The following AGTPBP1 variants were observed in gnomAD, a reference collection of about 807,000 sequenced individuals.
The protein encoded by AGTPBP1 is ATP/GTP binding carboxypeptidase 1, also known as cytosolic carboxypeptidase 1.
AGTPBP1 carries 70 observed loss-of-function variants against 143.9 expected under a neutral mutation model. That is an observed-to-expected ratio of 0.49 (90% CI 0.40 to 0.59). The LOEUF (loss-of-function observed/expected upper bound fraction) is 0.59. AGTPBP1 is among the 20% of genes least tolerant of loss of function. The pLI, the probability that AGTPBP1 is intolerant of heterozygous loss-of-function variation, is 0.00. For missense variants in AGTPBP1, 1,229 were observed against 1,464.5 expected, an observed-to-expected ratio of 0.84 and a Z score of 2.62; for synonymous variants, 463 against 500.2, an observed-to-expected ratio of 0.93 and a Z score of 0.99.
At chr9:85,681,360 T>C (rs771914710) in intron 3 of AGTPBP1, 25 bp from the exon 4 acceptor site, 36 of 1,601,370 alleles carry the variant, frequency 2.2e-5, no homozygotes, top group Non-Finnish European at 3.0e-5. Context: ...ACAATTTTTT[T>C]CTCAAACATA....
the AGTPBP1 span, among the ~76,000 whole-genome samples, chr9:85,778,647 C>A: frequency 6.6e-6 from 1 of 152,198 alleles, no homozygotes; most frequent in East Asian, 1.9e-4. Flanking sequence ...CCTTCAAAAT[C>A]CAGATAGGCC....
At chr9:85,554,925 T>A (rs1294446088) in intron 25 of AGTPBP1, among the ~76,000 whole-genome samples, 1 of 152,074 alleles carries the variant, frequency 6.6e-6, no homozygotes, top group East Asian at 1.9e-4. Context: ...ATAACTGAAA[T>A]TAAGAACTCA....
chr9:85,778,358 A>T, the AGTPBP1 span, among the ~76,000 whole-genome samples: 60 of 152,316 alleles, frequency 3.9e-4, no homozygotes, highest in South Asian at 8.3e-4. Context: ...AGTTATCTGC[A>T]GAAGATGGCG....
At chr9:85,670,960 G>A (rs1834442742) in intron 7 of AGTPBP1, among the ~76,000 whole-genome samples, 1 of 151,996 alleles carries the variant, frequency 6.6e-6, no homozygotes, top group African/African-American at 2.4e-5. Context: ...TGTTGTTTTT[G>A]AGACAGGGTC....
chr9:85,676,909 T>C (rs562713071), intron 6 of AGTPBP1, among the ~76,000 whole-genome samples: 1 of 152,118 alleles, frequency 6.6e-6, no homozygotes, highest in African/African-American at 2.4e-5. Flanking sequence ...CTGGAGGACA[T>C]TATGTTAAGT....
chr9:85,768,339 A>G, the AGTPBP1 span, among the ~76,000 whole-genome samples: 16 of 152,338 alleles, frequency 1.1e-4, 1 homozygote, highest in South Asian at 1.7e-3. Flanking sequence ...AGTCAAGTAC[A>G]GTAAAGTCCT....
chr9:85,657,687 AGAGT>A, intron 9 of AGTPBP1, 44 bp from the exon 10 acceptor site: 2 of 1,430,600 alleles, frequency 1.4e-6, no homozygotes, highest in Non-Finnish European at 1.9e-6. Flanking sequence ...TTAAATGACG[AGAGT>A]GAGTGGTAGA....
At chr9:85,794,801 A>C in the AGTPBP1 span, among the ~76,000 whole-genome samples, 3,663 of 152,182 alleles carry the variant, frequency 0.024, 76 homozygotes, top group Middle Eastern at 0.065. Context: ...CCATTCTTTT[A>C]ACCATGTTTT....
chr9:85,751,793 G>A, the AGTPBP1 span, among the ~76,000 whole-genome samples: 1,269 of 151,974 alleles, frequency 8.4e-3, 7 homozygotes, highest in Middle Eastern at 0.024. Flanking sequence ...TTTTAGTAGA[G>A]ACGGGGTTTC....
chr9:85,612,893 T>C (rs1250467348), intron 17 of AGTPBP1, among the ~76,000 whole-genome samples: 1 of 151,722 alleles, frequency 6.6e-6, no homozygotes, highest in Admixed American at 6.6e-5. Context: ...TTTTTTTTTT[T>C]TCTCCTCACT....
Position 85,741,906 on chromosome 9 carries a change from G to A in AGTPBP1, c.-165C>T, listed in dbSNP as rs1824331078. ...AAACCCCGGTGGCAGGCGAGGCGGAGGCGGCGGCGGCGGCAGCTGCGGCGG... is the reference window on the plus strand; with the variant it reads ...AAACCCCGGTGGCAGGCGAGGCGGAAGCGGCGGCGGCGGCAGCTGCGGCGG... On this transcript the variant is annotated 5_prime_UTR_variant, in exon 1 of 26. Transcript: ENST00000357081. The A allele has an allele frequency of 1.7e-6, 2 of 1,200,806 alleles. No individual in the cohort carries two copies. Among genetic ancestry groups the A allele is most frequent in the South Asian group, 2.2e-5 (1 of 45,504 alleles). 74.4% of individuals were successfully genotyped at this position (1,200,806 alleles called of 1,614,324 possible).
At chr9:85,714,913 G>T (rs1271625232) in intron 1 of AGTPBP1, among the ~76,000 whole-genome samples, 1 of 152,068 alleles carries the variant, frequency 6.6e-6, no homozygotes, top group Non-Finnish European at 1.5e-5. Flanking sequence ...GTGGTGTAAT[G>T]CCTAAAAAAC....
rs1837449809 is a variant in AGTPBP1, at chr9:85,712,586, G to A, written c.-33-20C>T. 9 of 1,271,394 alleles carry A rather than the reference G, an allele frequency of 7.1e-6. No homozygotes were observed. The highest frequency in any genetic ancestry group is 2.4e-4 in the Middle Eastern group (1 of 4,148). 78.8% of individuals were successfully genotyped at this position (1,271,394 alleles called of 1,614,324 possible). On this transcript the variant is annotated intron_variant, in intron 1 of 25. Transcript: ENST00000357081. ...GATAATCTAAAAGAAAAATGTTAAT[G>A]ATATTAAAAACTTATAACTCTTTTT...
the AGTPBP1 span, among the ~76,000 whole-genome samples, chr9:85,805,165 C>G: frequency 6.6e-6 from 1 of 152,190 alleles, no homozygotes; most frequent in Non-Finnish European, 1.5e-5. Context: ...GGTCCTCTCC[C>G]CCAACTCGGG....
At chr9:85,560,224 A>G (rs943433787) in intron 25 of AGTPBP1, among the ~76,000 whole-genome samples, 2 of 152,236 alleles carry the variant, frequency 1.3e-5, no homozygotes, top group Non-Finnish European at 2.9e-5. Flanking sequence ...ATCAAGGGAA[A>G]AAAAATGCTG....
At chr9:85,742,662 T>C (rs1310393225), upstream of AGTPBP1, among the ~76,000 whole-genome samples, 1 of 152,178 alleles carries the variant, frequency 6.6e-6, no homozygotes, top group Non-Finnish European at 1.5e-5. Context: ...AAAACGGTAA[T>C]GCTAAGTTGG....
intron 1 of AGTPBP1, among the ~76,000 whole-genome samples, chr9:85,731,047 G>A (rs1587997115): frequency 6.6e-6 from 1 of 152,086 alleles, no homozygotes; most frequent in African/African-American, 2.4e-5. Context: ...GAAGGATTTG[G>A]GCCATGGAGT....
chr9:85,589,448 A>G, intron 20 of AGTPBP1, 80 bp downstream of exon 20: 1 of 1,491,862 alleles, frequency 6.7e-7, no homozygotes, highest in Non-Finnish European at 9.0e-7. Flanking sequence ...TCCTATTATC[A>G]TTTCCATTAT....
chr9:85,751,037 G>A, the AGTPBP1 span, among the ~76,000 whole-genome samples: 7 of 152,154 alleles, frequency 4.6e-5, no homozygotes, highest in Admixed American at 4.6e-4. Context: ...AGCAAGGCTG[G>A]GCAATTGTAT....
Sources: allele counts gnomAD v4.1 joint callset (sites outside exome capture counted in the v4.1 genomes callset), GRCh38; gene constraint gnomAD v4.1.1; transcripts MANE v1.5; gene names NCBI Gene and HGNC (gene_info 2026-07-23, HGNC 2026-07-21).